The following ZNF571 variants were observed in gnomAD, a reference collection of about 807,000 sequenced individuals.
ZNF571 encodes zinc finger protein 571.
Under a neutral mutation model 7.7 loss-of-function variants are expected in ZNF571, and 4 were observed. The observed-to-expected ratio is 0.52, with a 90% CI of 0.25 to 1.18. The LOEUF is 1.18. ZNF571 is among the 50% of genes most tolerant of loss of function. The pLI, the probability that ZNF571 is intolerant of heterozygous loss-of-function variation, is 0.14. For missense variants in ZNF571, 704 were observed against 726.9 expected (o/e 0.97, Z 0.36); for synonymous variants, 251 against 232.4 (o/e 1.08, Z -0.73).
intron 1 of ZNF571, 41 bp downstream of exon 1, chr19:37,594,700 C>T (rs1470805578): frequency 6.6e-6 from 1 of 152,332 alleles, no homozygotes; most frequent in East Asian, 1.9e-4. Context: ...ATGAAGCAAC[C>T]CAAAAGCTGC....
chr19:37,577,820 A>ACAAAGTC (rs2043295720), intron 3 of ZNF571, among the ~76,000 whole-genome samples: 3 of 152,210 alleles, frequency 2.0e-5, no homozygotes, highest in Non-Finnish European at 4.4e-5. Flanking sequence ...TCTCAGGGAG[A>ACAAAGTC]GGAAACAAAG....
intron 3 of ZNF571, among the ~76,000 whole-genome samples, chr19:37,581,104 G>T (rs2043441083): frequency 6.6e-6 from 1 of 152,010 alleles, no homozygotes; most frequent in South Asian, 2.1e-4. Flanking sequence ...AAAGAACACT[G>T]AAGCCTTAAA....
In ZNF571 at chr19:37,569,590, C is replaced by T. The variant is rs116644285; in HGVS notation, c.137-3299G>A. On this transcript the variant is annotated intron_variant, in intron 3 of 3. Coordinates refer to ENST00000451802, the MANE Select transcript of ZNF571 (RefSeq NM_016536.5). This position sits in a 1 kb window ranked among gnomAD's most constrained non-coding sequence, Gnocchi z 4.4. ...ATTTTATCTCCTGTTTTATTAAAAA[C>T]AACAAGTGCTGCTTATAACCTACTA... 4.6e-3 allele frequency among the ~76,000 whole-genome samples: 694 copies of T among 152,242 alleles called. 4 individuals are homozygous for T. Among genetic ancestry groups the T allele is most frequent in the African/African-American group, 0.016 (672 of 41,552 alleles).
chr19:37,575,482 C>G (rs1199207665), intron 3 of ZNF571: 1 of 152,170 alleles, frequency 6.6e-6, no homozygotes, highest in African/African-American at 2.4e-5. Context: ...TCAAATCAAT[C>G]CTTGACAACA....
intron 3 of ZNF571, among the ~76,000 whole-genome samples, chr19:37,576,101 A>C (rs1047531132): frequency 6.6e-6 from 1 of 152,144 alleles, no homozygotes; most frequent in East Asian, 1.9e-4. Flanking sequence ...CCAACTCCTA[A>C]AGAATTTATC....
chr19:37,584,869 C>CA (rs2043610485), intron 2 of ZNF571, among the ~76,000 whole-genome samples: 1 of 150,046 alleles, frequency 6.7e-6, no homozygotes, highest in Non-Finnish European at 1.5e-5. Context: ...GAGGCTGAGG[C>CA]AGGAGAATGG....
intron 3 of ZNF571, among the ~76,000 whole-genome samples, chr19:37,568,324 C>G (rs1212198628): frequency 6.6e-6 from 1 of 150,726 alleles, no homozygotes; most frequent in African/African-American, 2.4e-5. Flanking sequence ...ACTACCCCCC[C>G]CCACTTGCCA....
At chr19:37,591,987 G>A (rs2043882251) in intron 1 of ZNF571, among the ~76,000 whole-genome samples, 1 of 152,116 alleles carries the variant, frequency 6.6e-6, no homozygotes, top group Admixed American at 6.5e-5. Flanking sequence ...GCCAGGCGCG[G>A]TGCCTCACAC....
intron 3 of ZNF571, among the ~76,000 whole-genome samples, chr19:37,577,946 T>G (rs975577298): frequency 6.6e-6 from 1 of 151,930 alleles, no homozygotes; most frequent in Non-Finnish European, 1.5e-5. Flanking sequence ...GAGCAGGAGG[T>G]GAGCAGTGGG....
chr19:37,588,953 ACTT>A (rs1217633946), intron 1 of ZNF571, among the ~76,000 whole-genome samples: 1 of 152,170 alleles, frequency 6.6e-6, no homozygotes, highest in African/African-American at 2.4e-5. Flanking sequence ...TAATCCCAGC[ACTT>A]TGGGAGGCTG....
At chr19:37,579,340 T>G (rs1219089882) in intron 3 of ZNF571, among the ~76,000 whole-genome samples, 2 of 152,132 alleles carry the variant, frequency 1.3e-5, no homozygotes, top group Admixed American at 1.3e-4. Context: ...TGCTGGCGCC[T>G]GACCATTTCC....
In ZNF571 at chr19:37,565,974, A is replaced by G. The variant is rs563012057; in HGVS notation, c.454T>C (p.Ser152Pro). The G allele has an allele frequency of 1.2e-6, 2 of 1,613,812 alleles. No individual in the cohort carries two copies. Among genetic ancestry groups the G allele is most frequent in the Admixed American group, 3.3e-5 (2 of 59,998 alleles). The change falls in exon 4 of 4, where the codon TCA becomes CCA. Residue 152 changes from serine (S) to proline (P), a missense_variant. Transcript: ENST00000451802. Reference sequence around the variant, plus strand: ...TTTTCCTCATGTTGAATAAGGCATGACAGGTAGCTGAAACCTTGTCTGCAT... The same window carrying G: ...TTTTCCTCATGTTGAATAAGGCATGGCAGGTAGCTGAAACCTTGTCTGCAT... ...KECRQGFSYL[S>P]CLIQHEENHN... is the part of the protein sequence containing the mutation.
At chr19:37,593,853 C>A (rs1175550492) in intron 1 of ZNF571, among the ~76,000 whole-genome samples, 1 of 152,120 alleles carries the variant, frequency 6.6e-6, no homozygotes, top group East Asian at 1.9e-4. Flanking sequence ...AAGGACCAGT[C>A]ACTAGCATGG....
chr19:37,564,481 G>T lies in ZNF571; in HGVS notation c.*117C>A. The T allele has an allele frequency of 2.3e-6, 2 of 880,680 alleles. No homozygotes were observed. The highest frequency in any genetic ancestry group is 1.6e-6 in the Non-Finnish European group (1 of 626,054). 54.6% of individuals were successfully genotyped at this position (880,680 alleles called of 1,614,324 possible). A position where few individuals can be genotyped will look rare whatever the true frequency, so the allele number is the denominator to read the frequency against. On this transcript the variant is annotated 3_prime_UTR_variant, in exon 4 of 4. Coordinates refer to ENST00000451802, the MANE Select transcript of ZNF571 (RefSeq NM_016536.5). ...GTTTCTGAAATTATTCTGCATCCAT[G>T]TTAATGTAGGCCTTCTAAGAATGAG...
chr19:37,565,167 A>G lies in ZNF571; in HGVS notation c.1261T>C (p.Cys421Arg), dbSNP rs147700985. ...RIHTGEKPYKCKECGKAFICG... is the reference protein window; with the variant it reads ...RIHTGEKPYKRKECGKAFICG... ...ATAAAGGCCTTTCCACATTCCTTAC[A>G]TTTGTAGGGCTTCTCTCCGGTATGA... The change falls in exon 4 of 4, where the codon TGT becomes CGT. Residue 421 changes from cysteine (C) to arginine (R), a missense_variant. Cys to Arg is a radical substitution (Grantham distance 180). Transcript: ENST00000451802. 4 of 1,613,444 alleles carry G rather than the reference A, an allele frequency of 2.5e-6. No homozygotes were observed. In the African/African-American group the frequency reaches 5.3e-5, roughly 22 times the overall value.
intron 1 of ZNF571, among the ~76,000 whole-genome samples, chr19:37,593,010 A>T (rs2043910990): frequency 6.6e-6 from 1 of 152,182 alleles, no homozygotes; most frequent in South Asian, 2.1e-4. Flanking sequence ...TTGTAAAAAT[A>T]TGTCTTTGAA....
chr19:37,567,461 A>G (rs1172925541), intron 3 of ZNF571, among the ~76,000 whole-genome samples: 2 of 152,184 alleles, frequency 1.3e-5, no homozygotes, highest in African/African-American at 4.8e-5. Context: ...CATGGCCTAC[A>G]AGCCCCTTTA....
At chr19:37,575,412 C>A (rs537003156) in intron 3 of ZNF571, 13 of 152,194 alleles carry the variant, frequency 8.5e-5, no homozygotes, top group South Asian at 2.1e-4. Context: ...CTGTTCAATA[C>A]ATTAAATCCT....
intron 2 of ZNF571, chr19:37,586,110 T>G (rs757785177): frequency 6.6e-6 from 1 of 152,450 alleles, no homozygotes; most frequent in African/African-American, 2.4e-5. Context: ...ATAATTATAT[T>G]GATTTAAGCC....
Sources: gnomAD v4.1 joint callset for allele counts (sites outside exome capture counted in the v4.1 genomes callset) on GRCh38, gnomAD v4.1.1 for gene constraint, Gnocchi (gnomAD v3.1) non-coding constraint, MANE v1.5 for transcripts, NCBI Gene and HGNC (gene_info 2026-07-23, HGNC 2026-07-21) for gene names.